Variants in AP3M2 observed in about 807,000 individuals in gnomAD.
The protein encoded by AP3M2 is AP-3 complex subunit mu-2.
Under a neutral mutation model 41.6 loss-of-function variants are expected in AP3M2, and 28 were observed. That is an observed-to-expected ratio of 0.67 (90% confidence interval 0.50 to 0.92). The LOEUF (loss-of-function observed/expected upper bound fraction) is 0.92, where lower values mean the gene tolerates loss of function less well. Ranked by LOEUF, AP3M2 falls within the 40% of genes least tolerant of loss-of-function variation. The pLI is 0.00. For missense variants in AP3M2, 427 were observed against 521.4 expected (o/e 0.82, Z 1.76); for synonymous variants, 193 against 186.4 (o/e 1.04, Z -0.29).
chr8:42,158,316 T>G (rs918610772), intron 3 of AP3M2, among the ~76,000 whole-genome samples: 2 of 151,520 alleles, frequency 1.3e-5, no homozygotes, highest in East Asian at 3.9e-4. Flanking sequence ...TGGCGTGATC[T>G]TGGCTCACTG....
At chr8:42,162,943 C>CAAAAAAAAAAAA (rs67923954) in intron 4 of AP3M2, among the ~76,000 whole-genome samples, 3 of 54,212 alleles carry the variant, frequency 5.5e-5, no homozygotes, top group Non-Finnish European at 6.9e-5. Context: ...GACCCTGTCT[C>CAAAAAAAAAAAA]AAAAAAAAAA....
In AP3M2 at chr8:42,154,479, G is replaced by A. The variant is rs145000102; in HGVS notation, c.-72-137G>A. 2.7e-4 allele frequency: 163 copies of A among 600,104 alleles called. No individual in the cohort carries two copies. The African/African-American group carries it at 2.7e-3, about 10-fold the overall frequency. The allele number at this position is 600,104 out of a possible 1,614,324, so 37.2% of individuals were successfully genotyped here. ...GATCATTATCGTTTCGAATTCAAGG[G>A]AGGGCTATCTTCAGGCTCATGCAGG... On this transcript the variant is annotated intron_variant, in intron 1 of 8. Transcript: ENST00000396926.
chr8:42,168,926 C>T (rs200512617), intron 8 of AP3M2, 35 bp from the exon 9 acceptor site: 163 of 1,500,434 alleles, frequency 1.1e-4, no homozygotes, highest in Non-Finnish European at 1.4e-4. Context: ...TTGAATAATA[C>T]TCATGTCTAT....
At position 42,154,892 on chromosome 8, in the gene AP3M2, G is replaced by A. The variant is rs1344860383; in HGVS notation, c.205G>A (p.Val69Met). ...VYRHKIFFVA[V>M]IQTEVPPLFV... is the part of the protein sequence containing the mutation. ...CCGCCACAAGATCTTTTTTGTGGCC[G>A]TGATCCAGACGGAGGTCCCCCCTCT... is the stretch of plus-strand genomic sequence containing the variant. The change falls in exon 2 of 9, where the codon GTG (valine) becomes ATG (methionine). Residue 69 changes from valine (V) to methionine (M), a missense_variant. Val to Met is a conservative substitution (Grantham distance 21). Around this residue, in one of 3 missense-constraint regions of AP3M2, gnomAD observed 104 missense variants for 93.8 expected, o/e 1.11. Transcript: ENST00000396926. The A allele has an allele frequency of 4.3e-6, 7 of 1,614,088 alleles. No homozygotes were observed. Among genetic ancestry groups the A allele is most frequent in the Non-Finnish European group, 5.1e-6 (6 of 1,180,008 alleles).
chr8:42,161,114 G>A (rs146780783), intron 3 of AP3M2, among the ~76,000 whole-genome samples: 47 of 152,226 alleles, frequency 3.1e-4, no homozygotes, highest in African/African-American at 1.1e-3. Flanking sequence ...ATCAGCCTGG[G>A]CAACTTGATG....
At chr8:42,154,191 C>A (rs1326706543) in intron 1 of AP3M2, 1 of 157,542 alleles carries the variant, frequency 6.3e-6, no homozygotes, top group Non-Finnish European at 1.4e-5. Context: ...TAGTGGCTAT[C>A]GTATTAAGCT....
intron 8 of AP3M2, among the ~76,000 whole-genome samples, chr8:42,168,705 C>T (rs1490642316): frequency 1.3e-5 from 2 of 152,142 alleles, no homozygotes; most frequent in East Asian, 3.8e-4. Flanking sequence ...TCCTTATCCT[C>T]ATTTTAGTCT....
chr8:42,158,274 A>T (rs547704958), intron 3 of AP3M2, among the ~76,000 whole-genome samples, 162 bp downstream of exon 3: 1 of 146,146 alleles, frequency 6.8e-6, no homozygotes, highest in South Asian at 2.2e-4. Flanking sequence ...TTTGAGACAG[A>T]GTCTCCCTCT....
chr8:42,170,107 C>T lies in AP3M2; in HGVS notation c.*1046C>T, dbSNP rs1804757038. 6.6e-6 allele frequency: 1 copy of T among 152,316 alleles called. No individual in the cohort carries two copies. Among genetic ancestry groups the T allele is most frequent in the East Asian group, 1.9e-4 (1 of 5,184 alleles). 9.4% of individuals were successfully genotyped at this position (152,316 alleles called of 1,614,324 possible). A position where few individuals can be genotyped will look rare whatever the true frequency, so the allele number is the denominator to read the frequency against. ...GAGCTCATATCTCCATTTGTCAGTG[C>T]TGGACTGGTACCAGATCGTAACCTT... On this transcript the variant is annotated 3_prime_UTR_variant, in exon 9 of 9. Coordinates refer to ENST00000396926, the MANE Select transcript of AP3M2 (RefSeq NM_006803.4).
intron 8 of AP3M2, 35 bp from the exon 9 acceptor site, chr8:42,168,926 C>G: frequency 6.7e-7 from 1 of 1,500,436 alleles, no homozygotes. Flanking sequence ...TTGAATAATA[C>G]TCATGTCTAT....
intron 4 of AP3M2, among the ~76,000 whole-genome samples, chr8:42,162,717 G>A (rs1804538540): frequency 6.6e-6 from 1 of 152,058 alleles, no homozygotes; most frequent in African/African-American, 2.4e-5. Context: ...AGCTGAGGCG[G>A]GAGGATTGCT....
chr8:42,156,462 A>G (rs1416931714), intron 2 of AP3M2, among the ~76,000 whole-genome samples: 1 of 152,218 alleles, frequency 6.6e-6, no homozygotes, highest in Non-Finnish European at 1.5e-5. Context: ...TTGCAGGCTC[A>G]CAGGCCGGCT....
chr8:42,165,148 TC>T lies in AP3M2; in HGVS notation c.663del (p.Phe222SerfsTer2), dbSNP rs771396560. 2.5e-6 allele frequency: 4 copies of T among 1,613,816 alleles called. No homozygotes were observed. Among genetic ancestry groups the T allele is most frequent in the Non-Finnish European group, 3.4e-6 (4 of 1,179,838 alleles). On this transcript the variant is annotated frameshift_variant, in exon 5 of 9. Transcript: ENST00000396926. LOFTEE classifies it high-confidence loss of function. ...GACTGGCATGCCAGACCTTACACTT[TC>T]CTTCATGGTAAAATCCTGGGCCAGA... is the stretch of plus-strand genomic sequence containing the variant. ...KLTGMPDLTL[S>X]FMNPRLLDDV...
At chr8:42,157,919 G>A (rs1311675441) in intron 2 of AP3M2, 22 bp from the exon 3 acceptor site, 1 of 1,598,642 alleles carries the variant, frequency 6.3e-7, no homozygotes, top group Non-Finnish European at 8.6e-7. Flanking sequence ...AGTGATCAAT[G>A]TGTATATTCT....
rs1471715855 is a variant in AP3M2, at chr8:42,165,128, G to A, written c.641G>A (p.Gly214Asp). The change falls in exon 5 of 9, where the codon GGC becomes GAC. Residue 214 changes from glycine to aspartate, a missense_variant. Transcript: ENST00000396926. ...ATTGATGCCTGTGTCAAGCTGACTG[G>A]CATGCCAGACCTTACACTTTCCTTC... ...GVIDACVKLT[G>D]MPDLTLSFMN... 1.2e-6 allele frequency: 2 copies of A among 1,614,024 alleles called. No homozygotes were observed. Among genetic ancestry groups the A allele is most frequent in the Non-Finnish European group, 1.7e-6 (2 of 1,179,974 alleles).
chr8:42,165,797 T>C (rs187998679), intron 6 of AP3M2: 2 of 460,726 alleles, frequency 4.3e-6, no homozygotes, highest in Non-Finnish European at 7.7e-6. Flanking sequence ...AGAATCTGAA[T>C]AGTGCTTAAC....
rs967386329 is a variant in AP3M2 at position 42,170,115 on chromosome 8, G to A, written c.*1054G>A. The A allele has an allele frequency of 1.3e-4, 20 of 152,148 alleles. No individual in the cohort carries two copies. The highest frequency in any genetic ancestry group is 4.3e-4 in the African/African-American group (18 of 41,436). 9.4% of individuals were successfully genotyped at this position (152,148 alleles called of 1,614,324 possible). On this transcript the variant is annotated 3_prime_UTR_variant, in exon 9 of 9. Coordinates refer to ENST00000396926, the MANE Select transcript of AP3M2 (RefSeq NM_006803.4). ...ATCTCCATTTGTCAGTGCTGGACTGGTACCAGATCGTAACCTTCCCGTTGG... is the reference window on the plus strand; with the variant it reads ...ATCTCCATTTGTCAGTGCTGGACTGATACCAGATCGTAACCTTCCCGTTGG...
At chr8:42,161,096 A>C (rs1251118734) in intron 3 of AP3M2, among the ~76,000 whole-genome samples, 1 of 152,174 alleles carries the variant, frequency 6.6e-6, no homozygotes, top group African/African-American at 2.4e-5. Context: ...CATGCACAGG[A>C]GTTCGAAATC....
At chr8:42,157,915 C>T in intron 2 of AP3M2, 26 bp from the exon 3 acceptor site, 1 of 1,591,726 alleles carries the variant, frequency 6.3e-7, no homozygotes, top group Non-Finnish European at 8.6e-7. Flanking sequence ...TCTGAGTGAT[C>T]AATGTGTATA....
Sources: gnomAD v4.1 joint callset for allele counts (sites outside exome capture counted in the v4.1 genomes callset) on GRCh38, gnomAD v4.1.1 for gene constraint, gnomAD v4.1.1 regional missense constraint, MANE v1.5 for transcripts, NCBI Gene and HGNC (gene_info 2026-07-23, HGNC 2026-07-21) for gene names.